The following GABRA3 variants were observed in gnomAD, a reference collection of about 807,000 sequenced individuals.
GABRA3 encodes gamma-aminobutyric acid type A receptor subunit alpha3, also known as gamma-aminobutyric acid receptor subunit alpha-3.
Under a neutral mutation model 30.1 loss-of-function variants are expected in GABRA3, and 10 were observed. That is an observed-to-expected ratio of 0.33 (90% CI 0.20 to 0.56). The LOEUF (loss-of-function observed/expected upper bound fraction) is 0.56, where lower values mean the gene tolerates loss of function less well. Among genes scored for constraint, GABRA3 ranks in the 20% least tolerant of loss-of-function variants. GABRA3 has a pLI of 0.89. For missense variants in GABRA3, 233 were observed against 392.0 expected (o/e 0.59, Z 3.42); for synonymous variants, 151 against 146.8 (o/e 1.03, Z -0.21).
chrX:152,175,786 T>C (rs948663463), intron 9 of GABRA3, among the ~76,000 whole-genome samples: 28 of 111,068 alleles, frequency 2.5e-4, no homozygotes, highest in South Asian at 1.5e-3. Flanking sequence ...TCAAGGAGGC[T>C]GGGCACGGTG....
At chrX:152,390,918 A>G (rs1569415531) in intron 1 of GABRA3, among the ~76,000 whole-genome samples, 2 of 112,188 alleles carry the variant, frequency 1.8e-5, no homozygotes, top group Non-Finnish European at 3.8e-5. Context: ...CCCTTATTAT[A>G]TATCAGTGGT....
intron 4 of GABRA3, among the ~76,000 whole-genome samples, chrX:152,276,013 G>A (rs1168127215): frequency 9.1e-6 from 1 of 110,390 alleles, no homozygotes; most frequent in Non-Finnish European, 1.9e-5. Flanking sequence ...ATCTATTGAT[G>A]TAATTAATAA....
At chrX:152,270,020 A>T (rs753344108) in intron 4 of GABRA3, among the ~76,000 whole-genome samples, 9 of 112,257 alleles carry the variant, frequency 8.0e-5, no homozygotes, top group Non-Finnish European at 1.1e-4. Flanking sequence ...AAGCTTCTGC[A>T]AAGAAAATGA....
intron 5 of GABRA3, among the ~76,000 whole-genome samples, chrX:152,249,671 C>T (rs192381977): frequency 1.8e-5 from 2 of 110,389 alleles, no homozygotes; most frequent in African/African-American, 6.6e-5. Flanking sequence ...CGTATAAGCC[C>T]CTCTCCCCAC....
At chrX:152,186,326 C>A (rs997629008) in intron 9 of GABRA3, among the ~76,000 whole-genome samples, 8 of 110,281 alleles carry the variant, frequency 7.3e-5, no homozygotes, top group African/African-American at 2.6e-4. Flanking sequence ...AAGTGATTCT[C>A]CCGTCTCAGC....
intron 4 of GABRA3, among the ~76,000 whole-genome samples, chrX:152,275,019 A>G (rs1939018636): frequency 1.0e-5 from 1 of 98,187 alleles, no homozygotes; most frequent in Non-Finnish European, 2.0e-5. Context: ...TGTGTGGCAT[A>G]TGTTTTACAT....
At chrX:152,275,255 AAATATATATAAATT>A (rs1451713542) in intron 4 of GABRA3, among the ~76,000 whole-genome samples, 1 of 46,250 alleles carries the variant, frequency 2.2e-5, no homozygotes, top group Non-Finnish European at 3.4e-5. Flanking sequence ...ATATATAATA[AAATATATATAAATT>A]ATATATATAA....
chrX:152,421,382 T>A (rs1430542699), intron 1 of GABRA3, among the ~76,000 whole-genome samples: 1 of 111,318 alleles, frequency 9.0e-6, no homozygotes, highest in Non-Finnish European at 1.9e-5. Flanking sequence ...ACTTACTGTA[T>A]ATATATCCTT....
intron 5 of GABRA3, among the ~76,000 whole-genome samples, chrX:152,225,394 CCA>C (rs1415731707): frequency 1.1e-5 from 1 of 89,667 alleles, no homozygotes; most frequent in Admixed American, 1.4e-4. Context: ...CACACATACA[CCA>C]CACACACGCA....
At chrX:152,406,660 G>A (rs780368589) in intron 1 of GABRA3, among the ~76,000 whole-genome samples, 1 of 108,081 alleles carries the variant, frequency 9.3e-6, no homozygotes, top group Non-Finnish European at 1.9e-5. Flanking sequence ...AATAGCTGGG[G>A]ACAACTACTT....
At chrX:152,373,017 A>C (rs1928885096) in intron 1 of GABRA3, among the ~76,000 whole-genome samples, 1 of 110,555 alleles carries the variant, frequency 9.0e-6, no homozygotes, top group Non-Finnish European at 1.9e-5. Flanking sequence ...TATCTGTATC[A>C]CTCTCTGCCT....
At chrX:152,328,852 C>A (rs897405807) in intron 3 of GABRA3, among the ~76,000 whole-genome samples, 16 of 111,404 alleles carry the variant, frequency 1.4e-4, no homozygotes, top group African/African-American at 5.2e-4. Flanking sequence ...CTGGCCAGGG[C>A]AATCAGGCAA....
rs186334964 is a variant in GABRA3, at chrX:152,225,129, C to A, written c.552-284G>T. Among the ~76,000 whole-genome samples the A allele has an allele frequency of 2.7e-3, 289 of 106,127 alleles. 1 individual carries two copies. The highest frequency in any genetic ancestry group is 9.5e-3 in the African/African-American group (277 of 29,195). The allele number at this position is 106,127 out of a possible 115,157, so 92.2% of individuals were successfully genotyped here. ...TCTGCCCTAACTGTACTTCCTTAGA[C>A]ACCCCCCCCAAGAAGCCTGGAAACA... On this transcript the variant is annotated intron_variant, in intron 5 of 9. Transcript: ENST00000370314.
Position 152,296,448 on chromosome X carries a change from T to A in GABRA3, c.263-11713A>T, listed in dbSNP as rs1056974570. The stretch of plus-strand genomic sequence containing the variant: ...AGTAGCATTAATCATAGATAAACAC[T>A]CTGGAAGAATCATAAACAGGTTGCT... On this transcript the variant is annotated intron_variant, in intron 3 of 9. Transcript: ENST00000370314. 5.4e-5 allele frequency among the ~76,000 whole-genome samples: 6 copies of A among 111,576 alleles called. No homozygotes were observed. The South Asian group carries it at 1.1e-3, about 21-fold the overall frequency.
At chrX:152,378,167 C>T (rs1929044892) in intron 1 of GABRA3, among the ~76,000 whole-genome samples, 1 of 111,589 alleles carries the variant, frequency 9.0e-6, no homozygotes, top group Non-Finnish European at 1.9e-5. Context: ...TTGGGAAACC[C>T]CCATAAATAA....
chrX:152,225,432 G>GCACACACACACACACGCACACA (rs1937930128), intron 5 of GABRA3, among the ~76,000 whole-genome samples: 2 of 96,491 alleles, frequency 2.1e-5, no homozygotes, highest in African/African-American at 7.6e-5. Context: ...ACACACACAC[G>GCACACACACACACACGCACACA]CACACACACA....
chrX:152,395,129 T>C (rs1929621755), intron 1 of GABRA3, among the ~76,000 whole-genome samples: 1 of 110,958 alleles, frequency 9.0e-6, no homozygotes, highest in East Asian at 2.9e-4. Flanking sequence ...AAGACTCACA[T>C]GGACATAATG....
intron 1 of GABRA3, among the ~76,000 whole-genome samples, chrX:152,394,645 TTGTG>T (rs1417465881): frequency 1.8e-5 from 2 of 112,655 alleles, no homozygotes; most frequent in Non-Finnish European, 3.7e-5. Context: ...TAGACAATGA[TTGTG>T]TATTTTCACA....
chrX:152,442,715 T>C (rs958843785), intron 1 of GABRA3, among the ~76,000 whole-genome samples: 12 of 111,722 alleles, frequency 1.1e-4, no homozygotes, highest in African/African-American at 3.9e-4. Flanking sequence ...AAATGAAGAA[T>C]AGATAAATTC....
Sources: allele counts gnomAD v4.1 joint callset (sites outside exome capture counted in the v4.1 genomes callset), GRCh38; gene constraint gnomAD v4.1.1; transcripts MANE v1.5; gene names NCBI Gene and HGNC (gene_info 2026-07-23, HGNC 2026-07-21).